Variants in CSMD1 observed in about 807,000 individuals in gnomAD.
CSMD1 encodes CUB and sushi domain-containing protein 1.
Under a neutral mutation model 417.5 loss-of-function variants are expected in CSMD1, and 213 were observed. The observed-to-expected ratio is 0.51, with a 90% CI of 0.46 to 0.57. The LOEUF is 0.57. Among genes scored for constraint, CSMD1 ranks in the 20% least tolerant of loss-of-function variants. The probability of loss-of-function intolerance (pLI) is 0.00; values close to 1 mark genes in which losing one functional copy is unlikely to be tolerated. For synonymous variants in CSMD1, 2,862 were observed against 1,736.8 expected, an observed-to-expected ratio of 1.65 and a Z score of -16.11; for missense variants, 6,923 against 4,529.7, an observed-to-expected ratio of 1.53 and a Z score of -15.17.
intron 2 of CSMD1, among the ~76,000 whole-genome samples, chr8:4,578,034 C>G (rs561082388): frequency 2.0e-5 from 3 of 152,156 alleles, no homozygotes; most frequent in Non-Finnish European, 2.9e-5. Flanking sequence ...GGCTTTAGGA[C>G]TGTGTACTCA....
At chr8:4,791,620 G>A (rs1457182) in intron 1 of CSMD1, among the ~76,000 whole-genome samples, 136,502 of 152,228 alleles carry the variant, frequency 0.9, 62,352 homozygotes, top group Non-Finnish European at 0.98. Flanking sequence ...TGTTACCAAC[G>A]TAAGGGTTGA....
chr8:4,992,502 C>T (rs1032782411), intron 1 of CSMD1, among the ~76,000 whole-genome samples: 1 of 152,138 alleles, frequency 6.6e-6, no homozygotes, highest in Admixed American at 6.5e-5. Flanking sequence ...GGAAGTTTTG[C>T]GGAGTTGCGT....
rs950596695 is a variant in CSMD1 at position 3,980,281 on chromosome 8, C to T, written c.818+17622G>A. Among the ~76,000 whole-genome samples, 4 of 152,150 alleles carry T rather than the reference C, an allele frequency of 2.6e-5. No individual in the cohort carries two copies. In the East Asian group the frequency reaches 7.7e-4, roughly 29 times the overall value. Reference sequence around the variant, plus strand: ...GGAAAAGCTGAACTAGCATTGTATCCGACCACAGCCCAATGCTATTCTTGT... The same window carrying T: ...GGAAAAGCTGAACTAGCATTGTATCTGACCACAGCCCAATGCTATTCTTGT... On this transcript the variant is annotated intron_variant, in intron 5 of 69. Transcript: ENST00000635120.
chr8:4,764,904 C>CAACAACAACA lies in CSMD1; in HGVS notation c.86-127347_86-127346insTGTTGTTGTT, dbSNP rs1554473698. Among the ~76,000 whole-genome samples, 1,220 of 122,660 alleles carry CAACAACAACA rather than the reference C, an allele frequency of 9.9e-3. 19 individuals are homozygous for CAACAACAACA. The highest frequency in any genetic ancestry group is 0.014 in the Non-Finnish European group (894 of 62,556). 80.5% of individuals were successfully genotyped at this position (122,660 alleles called of 152,430 possible). A position where few individuals can be genotyped will look rare whatever the true frequency, so the allele number is the denominator to read the frequency against. ...AAAAAAAAAAAAAAAACAACAACAA[C>CAACAACAACA]AAAAAAAAACCTTTGCTGAGGATGG... is the stretch of plus-strand genomic sequence containing the variant. On this transcript the variant is annotated intron_variant, in intron 1 of 69. Transcript: ENST00000635120.
At chr8:4,875,284 C>T (rs2116931548) in intron 1 of CSMD1, among the ~76,000 whole-genome samples, 1 of 152,082 alleles carries the variant, frequency 6.6e-6, no homozygotes, top group East Asian at 1.9e-4. Flanking sequence ...TATACAAGCT[C>T]ACTGATTCTC....
intron 37 of CSMD1, among the ~76,000 whole-genome samples, chr8:3,176,401 T>C (rs889579806): frequency 6.6e-6 from 1 of 152,260 alleles, no homozygotes; most frequent in South Asian, 2.1e-4. Flanking sequence ...GGGGGACAGA[T>C]AGATAGATCT....
chr8:4,933,466 G>C (rs551265729), intron 1 of CSMD1, among the ~76,000 whole-genome samples: 2 of 152,176 alleles, frequency 1.3e-5, no homozygotes, highest in Non-Finnish European at 2.9e-5. Context: ...AAGCCAACAA[G>C]GAGAGAACTG....
chr8:4,738,267 T>C (rs1347252841), intron 1 of CSMD1, among the ~76,000 whole-genome samples: 1 of 152,242 alleles, frequency 6.6e-6, no homozygotes. Flanking sequence ...TTCACGCTGC[T>C]ATAAACAACT....
intron 23 of CSMD1, 50 bp from the exon 24 acceptor site, chr8:3,308,553 G>C: frequency 6.8e-7 from 1 of 1,468,344 alleles, no homozygotes. Flanking sequence ...GTGGACATCT[G>C]CCTTAAAACA....
At chr8:4,933,770 G>A (rs1387964408) in intron 1 of CSMD1, among the ~76,000 whole-genome samples, 1 of 152,096 alleles carries the variant, frequency 6.6e-6, no homozygotes, top group East Asian at 1.9e-4. Flanking sequence ...TATCCTTATT[G>A]CTTTCTTCCT....
intron 5 of CSMD1, among the ~76,000 whole-genome samples, chr8:3,770,860 C>T (rs958507491): frequency 6.6e-6 from 1 of 152,126 alleles, no homozygotes; most frequent in African/African-American, 2.4e-5. Context: ...ACAAATGGTC[C>T]TGTAGCTCAT....
chr8:4,838,320 ATAAAAT>A (rs1330684972), intron 1 of CSMD1, among the ~76,000 whole-genome samples: 2 of 152,210 alleles, frequency 1.3e-5, no homozygotes, highest in Admixed American at 6.5e-5. Context: ...GTTCATGGAA[ATAAAAT>A]TAACAGGGTA....
intron 30 of CSMD1, among the ~76,000 whole-genome samples, chr8:3,209,291 G>A (rs527328440): frequency 2.0e-5 from 3 of 150,106 alleles, no homozygotes; most frequent in Non-Finnish European, 4.4e-5. Context: ...TTGTTTGTTT[G>A]TTTATTTATT....
chr8:3,841,553 T>G (rs1418347281), intron 5 of CSMD1, among the ~76,000 whole-genome samples: 2 of 152,114 alleles, frequency 1.3e-5, no homozygotes, highest in Non-Finnish European at 2.9e-5. Flanking sequence ...AGCACATATA[T>G]CAATTAAATT....
intron 25 of CSMD1, among the ~76,000 whole-genome samples, chr8:3,299,827 A>T (rs941012828): frequency 6.6e-6 from 1 of 152,224 alleles, no homozygotes; most frequent in African/African-American, 2.4e-5. Flanking sequence ...ACAGATTGTT[A>T]AGGACTGAAA....
chr8:3,045,500 C>G (rs1239421630), intron 50 of CSMD1, among the ~76,000 whole-genome samples: 1 of 152,098 alleles, frequency 6.6e-6, no homozygotes, highest in Admixed American at 6.6e-5. Context: ...TGCAAGAGAC[C>G]CCTTATTCCT....
intron 3 of CSMD1, among the ~76,000 whole-genome samples, chr8:4,164,253 A>G (rs1223275155): frequency 2.6e-5 from 4 of 152,224 alleles, no homozygotes; most frequent in African/African-American, 9.6e-5. Flanking sequence ...AAAAAACAAA[A>G]TGATGTTAAA....
chr8:3,573,200 G>A (rs933641466), intron 10 of CSMD1, among the ~76,000 whole-genome samples: 3 of 152,056 alleles, frequency 2.0e-5, no homozygotes, highest in Non-Finnish European at 2.9e-5. Flanking sequence ...GGATTTATCT[G>A]TTTTTCACAA....
intron 3 of CSMD1, among the ~76,000 whole-genome samples, chr8:4,208,347 T>A (rs1274485234): frequency 6.6e-6 from 1 of 152,164 alleles, no homozygotes; most frequent in Non-Finnish European, 1.5e-5. Flanking sequence ...TTTGAATCCT[T>A]CCTGGAGTAA....
Sources: gnomAD v4.1 joint callset for allele counts (sites outside exome capture counted in the v4.1 genomes callset) on GRCh38, gnomAD v4.1.1 for gene constraint, MANE v1.5 for transcripts, NCBI Gene and HGNC (gene_info 2026-07-23, HGNC 2026-07-21) for gene names.